Variants in LYPLA1 observed in about 807,000 individuals in gnomAD.
LYPLA1 encodes acyl-protein thioesterase 1.
Under a neutral mutation model 34.0 loss-of-function variants are expected in LYPLA1, and 17 were observed. That is an observed-to-expected ratio of 0.50 (90% CI 0.34 to 0.75). The LOEUF (loss-of-function observed/expected upper bound fraction) is 0.75, where lower values mean the gene tolerates loss of function less well. LYPLA1 is among the 30% of genes least tolerant of loss of function. The pLI is 0.01. For missense variants in LYPLA1, 203 were observed against 288.8 expected, an observed-to-expected ratio of 0.70 and a Z score of 2.15; for synonymous variants, 98 against 100.8, an observed-to-expected ratio of 0.97 and a Z score of 0.17.
At chr8:54,043,441 A>G (rs1440416952), downstream of LYPLA1, among the ~76,000 whole-genome samples, 3 of 151,322 alleles carry the variant, frequency 2.0e-5, no homozygotes, top group Admixed American at 2.0e-4. Context: ...ACACCTGGCT[A>G]ATTTTTGTAT....
intron 2 of LYPLA1, among the ~76,000 whole-genome samples, chr8:54,066,544 G>A (rs983517393): frequency 6.6e-6 from 1 of 151,876 alleles, no homozygotes; most frequent in Non-Finnish European, 1.5e-5. Context: ...ACTTTGGGAG[G>A]GTGAGGCAGG....
intron 2 of LYPLA1, among the ~76,000 whole-genome samples, chr8:54,097,174 G>T (rs569371109): frequency 2.0e-5 from 3 of 152,326 alleles, no homozygotes; most frequent in East Asian, 3.9e-4. Flanking sequence ...AGTAACTGCA[G>T]TCGAGACCTG....
intron 2 of LYPLA1, among the ~76,000 whole-genome samples, chr8:54,080,175 T>C (rs1808208120): frequency 6.6e-6 from 1 of 151,586 alleles, no homozygotes; most frequent in Non-Finnish European, 1.5e-5. Context: ...CACTTGACCT[T>C]AGGAGTTCAA....
chr8:54,069,780 CAT>C (rs1325663404), intron 2 of LYPLA1, among the ~76,000 whole-genome samples: 1 of 150,936 alleles, frequency 6.6e-6, no homozygotes, highest in Non-Finnish European at 1.5e-5. Flanking sequence ...AGTTTTATGT[CAT>C]GTGAATTTTA....
At chr8:54,068,216 C>T (rs562723091) in intron 2 of LYPLA1, among the ~76,000 whole-genome samples, 1 of 152,068 alleles carries the variant, frequency 6.6e-6, no homozygotes, top group African/African-American at 2.4e-5. Context: ...TTAAGAAATA[C>T]AAGAAAATCT....
intron 4 of LYPLA1, among the ~76,000 whole-genome samples, chr8:54,062,629 A>G (rs1806739961): frequency 6.6e-6 from 1 of 152,110 alleles, no homozygotes; most frequent in Non-Finnish European, 1.5e-5. Context: ...CTCCTGTGTC[A>G]GCCTCCTGAG....
intron 2 of LYPLA1, among the ~76,000 whole-genome samples, chr8:54,095,749 CTTT>C (rs568630269): frequency 7.2e-6 from 1 of 138,704 alleles, no homozygotes; most frequent in Non-Finnish European, 1.6e-5. Flanking sequence ...CTGGCTTACA[CTTT>C]TTTTTTTTTT....
chr8:54,043,906 G>A (rs1406655817), downstream of LYPLA1, among the ~76,000 whole-genome samples: 7 of 151,770 alleles, frequency 4.6e-5, no homozygotes, highest in South Asian at 6.2e-4. Flanking sequence ...TTATTCTTCC[G>A]CTTTTTTGAG....
chr8:54,073,187 C>T (rs2129342594), intron 2 of LYPLA1: 1 of 764,252 alleles, frequency 1.3e-6, no homozygotes, highest in Non-Finnish European at 2.4e-6. Flanking sequence ...GCAATTCATC[C>T]TCGGTCTTCC....
intron 2 of LYPLA1, among the ~76,000 whole-genome samples, chr8:54,066,810 G>T (rs1046249090): frequency 6.7e-6 from 1 of 150,348 alleles, no homozygotes; most frequent in South Asian, 2.1e-4. Context: ...AAAAGAAAAA[G>T]AAAAAAGCCT....
chr8:54,080,866 G>A (rs778949912), intron 2 of LYPLA1, among the ~76,000 whole-genome samples: 12 of 152,202 alleles, frequency 7.9e-5, no homozygotes, highest in Non-Finnish European at 1.5e-4. Flanking sequence ...GGGATTACAG[G>A]CGTAAGCCAC....
At chr8:54,086,438 TAAAAAAA>T (rs768755796) in intron 2 of LYPLA1, among the ~76,000 whole-genome samples, 8 of 34,692 alleles carry the variant, frequency 2.3e-4, no homozygotes, top group Non-Finnish European at 3.7e-4. Flanking sequence ...CTAAAAAAAT[TAAAAAAA>T]AAAAAAAAAA....
In LYPLA1 at chr8:54,062,332, A is replaced by G. The variant is rs555857768; in HGVS notation, c.216-8T>C. 12 of 1,574,762 alleles carry G rather than the reference A, an allele frequency of 7.6e-6. No homozygotes were observed. The South Asian group carries it at 1.3e-4, about 17-fold the overall frequency. On this transcript the variant is annotated splice_polypyrimidine_tract_variant and splice_region_variant and intron_variant, in intron 4 of 8. Transcript: ENST00000316963. The stretch of plus-strand genomic sequence containing the variant: ...AGCCCAATAATATCAAACCTGTAAA[A>G]TAAGGCAAAATCTTTTGATTCTAAG...
chr8:54,082,676 T>C (rs1808406385), intron 2 of LYPLA1, among the ~76,000 whole-genome samples: 1 of 152,236 alleles, frequency 6.6e-6, no homozygotes. Context: ...TATTCTTCTT[T>C]GTAAACATTT....
intron 2 of LYPLA1, 138 bp from the exon 3 acceptor site, chr8:54,065,951 T>C (rs2129335869): frequency 1.5e-6 from 1 of 646,764 alleles, no homozygotes; most frequent in African/African-American, 1.8e-5. Flanking sequence ...TTTGTTTGTT[T>C]TTTGAGATGG....
At chr8:54,091,704 G>A (rs2129365049) in intron 2 of LYPLA1, among the ~76,000 whole-genome samples, 1 of 152,270 alleles carries the variant, frequency 6.6e-6, no homozygotes, top group South Asian at 2.1e-4. Context: ...CTATCTAAAA[G>A]TGTGGTCACA....
intron 2 of LYPLA1, among the ~76,000 whole-genome samples, chr8:54,088,505 T>G (rs1808968975): frequency 6.6e-6 from 1 of 152,164 alleles, no homozygotes; most frequent in Non-Finnish European, 1.5e-5. Context: ...TGCTGGCCAT[T>G]TATCTTGGCA....
At position 54,063,369 on chromosome 8, in the gene LYPLA1, A is replaced by G; in HGVS notation, c.174T>C (p.Val58=). 6 of 1,534,910 alleles carry G rather than the reference A, an allele frequency of 3.9e-6. No individual in the cohort carries two copies. Among genetic ancestry groups the G allele is most frequent in the African/African-American group, 2.8e-5 (2 of 72,170 alleles). Residue 58 remains valine (V), a synonymous_variant, in exon 4 of 9, where the codon GTT becomes GTC. Coordinates refer to ENST00000316963, the MANE Select transcript of LYPLA1 (RefSeq NM_006330.4). ...HIKYICPHAP[V]RPVTLNMNVA... is the part of the protein sequence containing the mutation. Reference sequence around the variant, plus strand: ...CGTTCATATTTAATGTAACAGGCCTAACAGGCCTACATGGAAAAGAAAAAA... The same window carrying G: ...CGTTCATATTTAATGTAACAGGCCTGACAGGCCTACATGGAAAAGAAAAAA...
At chr8:54,098,791 C>G (rs1403328641) in intron 2 of LYPLA1, among the ~76,000 whole-genome samples, 1 of 152,200 alleles carries the variant, frequency 6.6e-6, no homozygotes, top group Admixed American at 6.5e-5. Context: ...CCACGGGTAA[C>G]TGAAACCATG....
Sources: gnomAD v4.1 joint callset for allele counts (sites outside exome capture counted in the v4.1 genomes callset) on GRCh38, gnomAD v4.1.1 for gene constraint, MANE v1.5 for transcripts, NCBI Gene and HGNC (gene_info 2026-07-23, HGNC 2026-07-21) for gene names.